PHF21B: variants seen among roughly 807,000 people sequenced by gnomAD.
The protein encoded by PHF21B is PHD finger protein 4.
In PHF21B, 22 loss-of-function variants were observed where a neutral mutation model predicts 62.2. The ratio of observed to expected loss-of-function variants is 0.35; its 90% CI spans 0.25 to 0.51. The LOEUF (loss-of-function observed/expected upper bound fraction) is 0.51. Among genes scored for constraint, PHF21B ranks in the 20% least tolerant of loss-of-function variants. PHF21B has a pLI of 0.97. For synonymous variants in PHF21B, 341 were observed against 314.7 expected (o/e 1.08, Z -0.88); for missense variants, 701 against 707.9 (o/e 0.99, Z 0.11).
chr22:45,009,323 G>A lies in PHF21B; in HGVS notation c.54+173C>T, dbSNP rs929272775. The A allele has an allele frequency of 7.5e-6, 5 of 668,836 alleles. No homozygotes were observed. Among genetic ancestry groups the A allele is most frequent in the Non-Finnish European group, 1.2e-5 (5 of 414,352 alleles). 41.4% of individuals were successfully genotyped at this position (668,836 alleles called of 1,614,324 possible). ...AGGACAGCGCCAGGGGCAGGCGGAG[G>A]GGAGCCCAGAAGGGGGTCCGCGCGT... On this transcript the variant is annotated intron_variant, in intron 1 of 12. Coordinates refer to ENST00000313237, the MANE Select transcript of PHF21B (RefSeq NM_138415.5). The surrounding 1 kb of genome is among the most constrained non-coding windows in gnomAD (Gnocchi z 5.9).
rs140879621 is a variant in PHF21B, at chr22:44,916,530, C to T, written c.314G>A (p.Ser105Asn). Residue 105 changes from serine to asparagine, a missense_variant, in exon 4 of 13, where the codon AGC (serine) becomes AAC (asparagine). By Grantham distance (46) the Ser-to-Asn change is conservative. Transcript: ENST00000313237. Reference sequence around the variant, plus strand: ...GAGGGCTGGGCTGGGGTTCTTGACGCTGACCACGGTGGCCTTCTGGAATGT... The same window carrying T: ...GAGGGCTGGGCTGGGGTTCTTGACGTTGACCACGGTGGCCTTCTGGAATGT... ...PPTFQKATVV[S>N]VKNPSPALPT... The T allele has an allele frequency of 2.0e-4, 328 of 1,609,584 alleles. 1 individual carries two copies. Among genetic ancestry groups the T allele is most frequent in the South Asian group, 8.3e-4 (76 of 91,064 alleles).
intron 4 of PHF21B, among the ~76,000 whole-genome samples, chr22:44,915,452 G>C (rs1460326865): frequency 2.0e-5 from 3 of 152,232 alleles, no homozygotes. Context: ...TAAGCACCTT[G>C]TCTGGATCAG....
chr22:44,978,136 T>C (rs1030703703), intron 2 of PHF21B, among the ~76,000 whole-genome samples: 8 of 152,146 alleles, frequency 5.3e-5, no homozygotes, highest in African/African-American at 1.9e-4. Flanking sequence ...TGTGTAATAA[T>C]TTCTCTATGG....
chr22:44,899,570 G>A (rs898083737), intron 5 of PHF21B, among the ~76,000 whole-genome samples: 18 of 152,160 alleles, frequency 1.2e-4, no homozygotes, highest in African/African-American at 4.1e-4. Context: ...GATTACAGGC[G>A]TGACCTACCA....
intron 2 of PHF21B, among the ~76,000 whole-genome samples, chr22:44,986,104 C>T (rs2072943024): frequency 6.8e-6 from 1 of 147,978 alleles, no homozygotes; most frequent in African/African-American, 2.6e-5. Context: ...ATCCTCATCA[C>T]CACCATCACC....
chr22:44,888,047 CG>C lies in PHF21B; in HGVS notation c.1112del (p.Pro371ArgfsTer31). ...CCAGGCAGCTGAGGTGGTAGGCCCCCGGGCAGGTGCCGCAGGGCTGCAGGTT... is the reference window on the plus strand; with the variant it reads ...CCAGGCAGCTGAGGTGGTAGGCCCCCGGCAGGTGCCGCAGGGCTGCAGGTT... Reference protein sequence around the residue: ...GANLQPCGTCPGAYHLSCLEP... With the variant: ...GANLQPCGTCXGAYHLSCLEP... On this transcript the variant is annotated frameshift_variant, in exon 10 of 13. Transcript: ENST00000313237. LOFTEE classifies it high-confidence loss of function. 1 of 1,554,384 alleles carries C rather than the reference CG, an allele frequency of 6.4e-7. No homozygotes were observed. The highest frequency in any genetic ancestry group is 8.7e-7 in the Non-Finnish European group (1 of 1,149,672).
At chr22:44,984,167 T>C (rs200714683) in intron 2 of PHF21B, among the ~76,000 whole-genome samples, 19 of 124,260 alleles carry the variant, frequency 1.5e-4, no homozygotes, top group East Asian at 4.7e-4. Context: ...ATCACCACCA[T>C]CATCACCATC....
chr22:44,935,836 T>C (rs1682050612), intron 2 of PHF21B, among the ~76,000 whole-genome samples: 1 of 151,996 alleles, frequency 6.6e-6, no homozygotes, highest in Non-Finnish European at 1.5e-5. Flanking sequence ...ACTAGAAAAG[T>C]GTTCAGCTCA....
intron 7 of PHF21B, among the ~76,000 whole-genome samples, chr22:44,892,860 G>A (rs1340933661): frequency 6.6e-6 from 1 of 152,206 alleles, no homozygotes; most frequent in Non-Finnish European, 1.5e-5. Flanking sequence ...ATGCTCATGG[G>A]AGAGGCCCTT....
At chr22:44,969,264 C>T (rs2072590847) in intron 2 of PHF21B, 1 of 152,282 alleles carries the variant, frequency 6.6e-6, no homozygotes, top group Non-Finnish European at 1.5e-5. Flanking sequence ...CTGCAAGCTG[C>T]CTCGTTCTTC....
At chr22:44,908,233 G>A (rs1000671886) in intron 5 of PHF21B, among the ~76,000 whole-genome samples, 1 of 152,190 alleles carries the variant, frequency 6.6e-6, no homozygotes, top group African/African-American at 2.4e-5. Flanking sequence ...CCAGAAGCTA[G>A]AGTGTGGCTC....
At chr22:44,937,161 C>T (rs996196698) in intron 2 of PHF21B, among the ~76,000 whole-genome samples, 14 of 152,152 alleles carry the variant, frequency 9.2e-5, no homozygotes, top group Admixed American at 3.3e-4. Flanking sequence ...CCACCGCACC[C>T]GGCTGAACAT....
intron 3 of PHF21B, among the ~76,000 whole-genome samples, chr22:44,917,258 G>C (rs2071454658): frequency 6.6e-6 from 1 of 152,220 alleles, no homozygotes; most frequent in African/African-American, 2.4e-5. Context: ...TGGGGTCCTG[G>C]TGACACACCT....
At chr22:44,977,642 A>T (rs1400676969) in intron 2 of PHF21B, among the ~76,000 whole-genome samples, 1 of 151,646 alleles carries the variant, frequency 6.6e-6, no homozygotes, top group African/African-American at 2.4e-5. Context: ...GCAGTGGCAT[A>T]ATCATGGCTC....
intron 2 of PHF21B, among the ~76,000 whole-genome samples, chr22:45,006,358 T>G (rs908307207): frequency 6.6e-6 from 1 of 152,234 alleles, no homozygotes; most frequent in African/African-American, 2.4e-5. Context: ...TTCCTTGCTT[T>G]CTTTCTTTTT....
In PHF21B at chr22:44,882,387, AC is replaced by A; in HGVS notation, c.*698del. The A allele has an allele frequency of 6.5e-6, 1 of 152,828 alleles. No homozygotes were observed. Among genetic ancestry groups the A allele is most frequent in the Admixed American group, 6.5e-5 (1 of 15,286 alleles). The allele number at this position is 152,828 out of a possible 1,614,324, so 9.5% of individuals were successfully genotyped here. A position where few individuals can be genotyped will look rare whatever the true frequency, so the allele number is the denominator to read the frequency against. On this transcript the variant is annotated 3_prime_UTR_variant, in exon 13 of 13. Coordinates refer to ENST00000313237, the MANE Select transcript of PHF21B (RefSeq NM_138415.5). Reference sequence around the variant, plus strand: ...ACCCCAAAGACGGAGCAGGAAGGGCACAGGCTCTGGCGGGGATCACTGCAGC... The same window carrying A: ...ACCCCAAAGACGGAGCAGGAAGGGCAAGGCTCTGGCGGGGATCACTGCAGC...
At chr22:44,896,109 C>T (rs763678294) in intron 5 of PHF21B, 26 bp from the exon 6 acceptor site, 1 of 1,613,676 alleles carries the variant, frequency 6.2e-7, no homozygotes, top group Non-Finnish European at 8.5e-7. Flanking sequence ...GACAAAGGAG[C>T]ATTAACACAA....
rs772061925 is a variant in PHF21B, at chr22:45,009,049, C to T, written c.55-439G>A. The T allele has an allele frequency of 4.9e-5, 56 of 1,135,418 alleles. No individual in the cohort carries two copies. Among genetic ancestry groups the T allele is most frequent in the Middle Eastern group, 3.6e-4 (1 of 2,760 alleles). 70.3% of individuals were successfully genotyped at this position (1,135,418 alleles called of 1,614,324 possible). On this transcript the variant is annotated intron_variant, in intron 1 of 12. Transcript: ENST00000313237. This position sits in a 1 kb window ranked among gnomAD's most constrained non-coding sequence, Gnocchi z 5.9. ...ACACACGCGCACGCCGAGCCCCGCT[C>T]AGGCTCCGGCCGCCACGCCGCCGCT...
At chr22:45,003,519 A>T (rs1193590546) in intron 2 of PHF21B, 1 of 152,372 alleles carries the variant, frequency 6.6e-6, no homozygotes, top group African/African-American at 2.4e-5. Context: ...AGCGAGGAGG[A>T]GCTTCTGGGG....
Sources: gnomAD v4.1 joint callset for allele counts (sites outside exome capture counted in the v4.1 genomes callset) on GRCh38, gnomAD v4.1.1 for gene constraint, Gnocchi (gnomAD v3.1) non-coding constraint, MANE v1.5 for transcripts, NCBI Gene and HGNC (gene_info 2026-07-23, HGNC 2026-07-21) for gene names.